The following PPP1R2 variants were observed in gnomAD, a reference collection of about 807,000 sequenced individuals.
PPP1R2 encodes protein phosphatase inhibitor 2.
A neutral mutation model predicts 29.9 loss-of-function variants in PPP1R2; 16 were observed. The ratio of observed to expected loss-of-function variants is 0.53; its 90% CI spans 0.36 to 0.81. The LOEUF is 0.81. Among genes scored for constraint, PPP1R2 ranks in the 30% least tolerant of loss-of-function variants. PPP1R2 has a pLI of 0.00. For missense variants in PPP1R2, 197 were observed against 252.7 expected (o/e 0.78, Z 1.49); for synonymous variants, 76 against 91.5 (o/e 0.83, Z 0.96).
In PPP1R2 at chr3:195,524,832, T is replaced by C. The variant is rs1435269209; in HGVS notation, c.295A>G (p.Ile99Val). 2 of 1,614,180 alleles carry C rather than the reference T, an allele frequency of 1.2e-6. No homozygotes were observed. The highest frequency in any genetic ancestry group is 2.2e-5 in the East Asian group (1 of 44,884). The stretch of plus-strand genomic sequence containing the variant: ...ATTAGTACTTACTTCCTGGCTAAGA[T>C]GTCTGGCGCCATGGCTTCAGTGGCC... ...TEATEAMAPD[I>V]LARKLAAAEG... is the part of the protein sequence containing the mutation. Residue 99 changes from isoleucine (I) to valine (V), a missense_variant, in exon 3 of 6, where the codon ATC becomes GTC. Physicochemically the swap from Ile to Val is conservative, Grantham distance 29 (BLOSUM62 3). Coordinates refer to ENST00000618156, the MANE Select transcript of PPP1R2 (RefSeq NM_006241.8).
At chr3:195,518,907 C>A in intron 5 of PPP1R2, 111 bp downstream of exon 5, 1 of 1,495,158 alleles carries the variant, frequency 6.7e-7, no homozygotes, top group South Asian at 1.3e-5. Flanking sequence ...TATAATAAAG[C>A]GAATCTCAGC....
chr3:195,515,114 A>ATC lies in PPP1R2; in HGVS notation c.*1780_*1781dup, dbSNP rs1176485202. 4.5e-6 allele frequency: 1 copy of ATC among 222,030 alleles called. No individual in the cohort carries two copies. The highest frequency in any genetic ancestry group is 2.3e-5 in the African/African-American group (1 of 42,678). 13.8% of individuals were successfully genotyped at this position (222,030 alleles called of 1,614,324 possible). A position where few individuals can be genotyped will look rare whatever the true frequency, so the allele number is the denominator to read the frequency against. On this transcript the variant is annotated 3_prime_UTR_variant, in exon 6 of 6. Transcript: ENST00000618156. Reference sequence around the variant, plus strand: ...ATGTGCACGCACATGTACAGACTTAATCTCTACATCCCCCAAGACAGATTT... The same window carrying ATC: ...ATGTGCACGCACATGTACAGACTTAATCTCTCTACATCCCCCAAGACAGATTT...
Position 195,543,231 on chromosome 3 carries a change from C to G in PPP1R2, c.-206G>C. 1.6e-6 allele frequency: 1 copy of G among 634,320 alleles called. No individual in the cohort carries two copies. The highest frequency in any genetic ancestry group is 2.5e-6 in the Non-Finnish European group (1 of 397,738). The allele number at this position is 634,320 out of a possible 1,614,324, so 39.3% of individuals were successfully genotyped here. On this transcript the variant is annotated 5_prime_UTR_variant, in exon 1 of 6. Transcript: ENST00000618156. ...AGAGCCAACGCCGAACGGGTGGCGG[C>G]TACTCGCGCACCCTTAGCCACTGGC...
At chr3:195,520,577 A>G (rs1025944316) in intron 4 of PPP1R2, among the ~76,000 whole-genome samples, 3 of 152,152 alleles carry the variant, frequency 2.0e-5, no homozygotes, top group Admixed American at 6.5e-5. Flanking sequence ...ATGCCACTGC[A>G]CTCCAGCCTG....
intron 1 of PPP1R2, among the ~76,000 whole-genome samples, chr3:195,542,568 A>G (rs1184044407): frequency 6.6e-6 from 1 of 152,228 alleles, no homozygotes; most frequent in Non-Finnish European, 1.5e-5. Flanking sequence ...AGAATTTTAG[A>G]TACCTCAGAG....
intron 1 of PPP1R2, among the ~76,000 whole-genome samples, chr3:195,530,575 G>C (rs776968301): frequency 6.6e-5 from 10 of 152,200 alleles, no homozygotes; most frequent in Non-Finnish European, 1.3e-4. Context: ...GCCCAGGCTG[G>C]AGTACAGTGG....
At chr3:195,526,280 T>C (rs1718968811) in intron 2 of PPP1R2, among the ~76,000 whole-genome samples, 1 of 151,980 alleles carries the variant, frequency 6.6e-6, no homozygotes, top group Non-Finnish European at 1.5e-5. Context: ...TTATTTTTTG[T>C]AGAGACGGGG....
chr3:195,539,685 A>G (rs1178379927), intron 1 of PPP1R2, among the ~76,000 whole-genome samples: 1 of 152,216 alleles, frequency 6.6e-6, no homozygotes, highest in Non-Finnish European at 1.5e-5. Context: ...TTGTCTCAAA[A>G]ATAAACAAAA....
intron 1 of PPP1R2, among the ~76,000 whole-genome samples, chr3:195,535,372 G>T (rs544922716): frequency 3.5e-4 from 53 of 152,284 alleles, no homozygotes; most frequent in African/African-American, 1.2e-3. Context: ...GTCTGGAAGG[G>T]TTTCACCACT....
At chr3:195,525,604 C>T (rs186003723) in intron 2 of PPP1R2, among the ~76,000 whole-genome samples, 17 of 152,232 alleles carry the variant, frequency 1.1e-4, no homozygotes, top group Middle Eastern at 3.4e-3. Flanking sequence ...AAAAGATCTA[C>T]GCAGACACAA....
intron 4 of PPP1R2, among the ~76,000 whole-genome samples, chr3:195,522,910 T>C (rs533750608): frequency 1.1e-3 from 173 of 152,370 alleles, no homozygotes; most frequent in African/African-American, 4.1e-3. Flanking sequence ...TTTGTGAGTA[T>C]GTGCTTTTCT....
chr3:195,518,524 G>A (rs1230029689), intron 5 of PPP1R2, among the ~76,000 whole-genome samples: 5 of 151,848 alleles, frequency 3.3e-5, no homozygotes, highest in Admixed American at 6.6e-5. Flanking sequence ...GGTGGCAGGC[G>A]CCTGTAATCC....
chr3:195,542,593 T>C (rs1413060994), intron 1 of PPP1R2, among the ~76,000 whole-genome samples: 1 of 151,926 alleles, frequency 6.6e-6, no homozygotes, highest in African/African-American at 2.4e-5. Flanking sequence ...GGTTAAGAAA[T>C]AGTAAAAGCT....
At chr3:195,529,922 C>A (rs766697096) in intron 1 of PPP1R2, 21 bp from the exon 2 acceptor site, 2 of 1,550,456 alleles carry the variant, frequency 1.3e-6, no homozygotes, top group Non-Finnish European at 1.8e-6. Context: ...AAAGAAAAAA[C>A]GTTTTTCCCA....
In PPP1R2 at chr3:195,541,691, C is replaced by T. The variant is rs530665873; in HGVS notation, c.122+1213G>A. Among the ~76,000 whole-genome samples, 4 of 152,214 alleles carry T rather than the reference C, an allele frequency of 2.6e-5. No individual in the cohort carries two copies. The South Asian group carries it at 6.2e-4, about 24-fold the overall frequency. On this transcript the variant is annotated intron_variant, in intron 1 of 5. Transcript: ENST00000618156. ...TTCCATGACCTACACATCACACTCC[C>T]CCAGCACTCCATTTAACGTGGCTTA...
At chr3:195,531,602 CT>C (rs572421265) in intron 1 of PPP1R2, among the ~76,000 whole-genome samples, 62 of 152,286 alleles carry the variant, frequency 4.1e-4, no homozygotes, top group African/African-American at 1.5e-3. Flanking sequence ...GGACTAAGCA[CT>C]TTTTTTCTTC....
Position 195,516,722 on chromosome 3 carries a change from A to G in PPP1R2, c.*174T>C. The G allele has an allele frequency of 1.7e-6, 1 of 596,902 alleles. No individual in the cohort carries two copies. The highest frequency in any genetic ancestry group is 3.0e-6 in the Non-Finnish European group (1 of 337,138). The allele number at this position is 596,902 out of a possible 1,614,324, so 37.0% of individuals were successfully genotyped here. A position where few individuals can be genotyped will look rare whatever the true frequency, so the allele number is the denominator to read the frequency against. ...ACTAGGCACAAGAATATATATATCG[A>G]TTAGGCATTTTCAGTCTAATCAGTC... On this transcript the variant is annotated 3_prime_UTR_variant, in exon 6 of 6. Transcript: ENST00000618156.
rs1440021820 is a variant in PPP1R2 at position 195,515,010 on chromosome 3, C to A, written c.*1886G>T. The A allele has an allele frequency of 3.8e-3, 809 of 210,726 alleles. No individual in the cohort carries two copies. The highest frequency in any genetic ancestry group is 0.011 in the Middle Eastern group (5 of 476). 13.1% of individuals were successfully genotyped at this position (210,726 alleles called of 1,614,324 possible). ...CTTCACTCTATGACAGCTACTTCTACAAAAAAAAAAAAAGAGTATGTGGGT... is the reference window on the plus strand; with the variant it reads ...CTTCACTCTATGACAGCTACTTCTAAAAAAAAAAAAAAAGAGTATGTGGGT... On this transcript the variant is annotated 3_prime_UTR_variant, in exon 6 of 6. Transcript: ENST00000618156.
At chr3:195,533,817 T>C (rs1719275804) in intron 1 of PPP1R2, among the ~76,000 whole-genome samples, 1 of 151,568 alleles carries the variant, frequency 6.6e-6, no homozygotes, top group Non-Finnish European at 1.5e-5. Context: ...GACTCTAATA[T>C]GATTTGAGAA....
Sources: allele counts gnomAD v4.1 joint callset (sites outside exome capture counted in the v4.1 genomes callset), GRCh38; gene constraint gnomAD v4.1.1; transcripts MANE v1.5; gene names NCBI Gene and HGNC (gene_info 2026-07-23, HGNC 2026-07-21).